RBM6: variants seen among roughly 807,000 people sequenced by gnomAD.
RBM6 encodes RNA binding motif protein 6, also known as RNA-binding protein 6.
A neutral mutation model predicts 140.4 loss-of-function variants in RBM6; 23 were observed. The ratio of observed to expected loss-of-function variants is 0.16; its 90% confidence interval spans 0.12 to 0.23. The LOEUF is 0.23. Ranked by LOEUF, RBM6 falls within the 10% of genes least tolerant of loss-of-function variation. RBM6 has a pLI of 1.00. For missense variants in RBM6, 1,139 were observed against 1,386.7 expected, an observed-to-expected ratio of 0.82 and a Z score of 2.84; for synonymous variants, 439 against 475.6, an observed-to-expected ratio of 0.92 and a Z score of 1.00.
intron 1 of RBM6, among the ~76,000 whole-genome samples, chr3:49,959,294 T>C (rs554993137): frequency 5.5e-4 from 82 of 148,836 alleles, no homozygotes; most frequent in African/African-American, 2.0e-3. Context: ...GTTCACACCA[T>C]TCTCCTGCCT....
At chr3:49,948,789 C>T (rs1458017071) in intron 1 of RBM6, among the ~76,000 whole-genome samples, 3 of 149,024 alleles carry the variant, frequency 2.0e-5, no homozygotes, top group Admixed American at 1.3e-4. Context: ...ACCCTGCACT[C>T]CAGCCTGGGC....
chr3:49,980,729 T>C (rs1194845670), intron 5 of RBM6, among the ~76,000 whole-genome samples: 1 of 136,688 alleles, frequency 7.3e-6, no homozygotes, highest in East Asian at 2.2e-4. Flanking sequence ...GCCATTGCAC[T>C]CCAGCCTGGG....
chr3:49,967,537 C>CATG lies in RBM6; in HGVS notation c.113_115dup (p.His38_Ala39insAsp). 1 of 1,614,176 alleles carries CATG rather than the reference C, an allele frequency of 6.2e-7. No homozygotes were observed. Among genetic ancestry groups the CATG allele is most frequent in the Non-Finnish European group, 8.5e-7 (1 of 1,180,052 alleles). On this transcript the variant is annotated inframe_insertion, in exon 3 of 21. Coordinates refer to ENST00000266022, the MANE Select transcript of RBM6 (RefSeq NM_005777.3). The surrounding 1 kb of genome is among the most constrained non-coding windows in gnomAD (Gnocchi z 4.0). ...TTATCCTCCTCCTCCCCTTAAGAGT[C>CATG]ATGCTCAAGAGAGACACTCTGGCAA...
intron 6 of RBM6, among the ~76,000 whole-genome samples, chr3:50,027,357 A>C (rs1352970962): frequency 3.3e-5 from 5 of 152,228 alleles, no homozygotes; most frequent in African/African-American, 1.2e-4. Context: ...TCCACATAAC[A>C]TAAAACTTAC....
chr3:50,013,183 G>A (rs754009380), intron 6 of RBM6, among the ~76,000 whole-genome samples: 13 of 152,176 alleles, frequency 8.5e-5, no homozygotes, highest in Non-Finnish European at 1.3e-4. Context: ...AATGGATGCT[G>A]TGGATGGTGT....
At chr3:50,015,836 G>A (rs542861979) in intron 6 of RBM6, among the ~76,000 whole-genome samples, 3 of 152,112 alleles carry the variant, frequency 2.0e-5, no homozygotes, top group African/African-American at 7.2e-5. Context: ...AATTGTATAC[G>A]TTTATGGAGT....
At chr3:50,009,849 A>C (rs1195472798) in intron 6 of RBM6, among the ~76,000 whole-genome samples, 1 of 152,072 alleles carries the variant, frequency 6.6e-6, no homozygotes, top group African/African-American at 2.4e-5. Context: ...GATGTGAGCC[A>C]CTGTACCCAG....
intron 7 of RBM6, among the ~76,000 whole-genome samples, chr3:50,051,638 T>C (rs2089471491): frequency 6.6e-6 from 1 of 152,134 alleles, no homozygotes; most frequent in African/African-American, 2.4e-5. Flanking sequence ...TGAAACTCCA[T>C]CTCAAAAACA....
intron 7 of RBM6, among the ~76,000 whole-genome samples, chr3:50,048,820 T>G (rs2089334794): frequency 6.6e-6 from 1 of 152,132 alleles, no homozygotes; most frequent in South Asian, 2.1e-4. Context: ...TCTTTTTTTT[T>G]GAAACGGAAT....
intron 6 of RBM6, among the ~76,000 whole-genome samples, chr3:50,036,213 G>GT (rs1559614641): frequency 6.6e-6 from 1 of 152,148 alleles, no homozygotes; most frequent in Admixed American, 6.6e-5. Context: ...CTTTTTAAAC[G>GT]TATTTTCTTT....
At chr3:50,006,655 G>A (rs2086592209) in intron 6 of RBM6, among the ~76,000 whole-genome samples, 5 of 150,376 alleles carry the variant, frequency 3.3e-5, no homozygotes, top group Admixed American at 2.0e-4. Context: ...GCTGGTGGCC[G>A]GGTGCGGTGG....
At chr3:49,942,117 T>C (rs1032571836) in intron 1 of RBM6, among the ~76,000 whole-genome samples, 4 of 150,654 alleles carry the variant, frequency 2.7e-5, no homozygotes, top group African/African-American at 9.8e-5. Flanking sequence ...AAAAATCAAT[T>C]AAATAAATTG....
intron 1 of RBM6, among the ~76,000 whole-genome samples, chr3:49,944,061 A>G (rs1008711313): frequency 1.3e-5 from 2 of 152,116 alleles, no homozygotes; most frequent in African/African-American, 4.8e-5. Context: ...TAGTAAGTAC[A>G]TTCTTCTTTT....
At chr3:50,000,288 C>T (rs182833294) in intron 6 of RBM6, among the ~76,000 whole-genome samples, 31 of 149,714 alleles carry the variant, frequency 2.1e-4, no homozygotes, top group Admixed American at 7.3e-4. Context: ...GTTTCAGTTC[C>T]TCCATCTGTA....
intron 1 of RBM6, among the ~76,000 whole-genome samples, chr3:49,947,262 A>AAGG: frequency 1.7e-5 from 1 of 60,010 alleles, no homozygotes; most frequent in African/African-American, 5.5e-5. Context: ...AAAAAAAAAA[A>AAGG]GGGGGGGGGG....
At position 49,973,584 on chromosome 3, in the gene RBM6, C is replaced by CT. The variant is rs1226088993; in HGVS notation, c.1413+1455dup. Among the ~76,000 whole-genome samples, 1,232 of 131,332 alleles carry CT rather than the reference C, an allele frequency of 9.4e-3. 17 individuals are homozygous for CT. The highest frequency in any genetic ancestry group is 0.02 in the South Asian group (81 of 4,036). 86.2% of individuals were successfully genotyped at this position (131,332 alleles called of 152,430 possible). A position where few individuals can be genotyped will look rare whatever the true frequency, so the allele number is the denominator to read the frequency against. On this transcript the variant is annotated intron_variant, in intron 4 of 20. Transcript: ENST00000266022. ...TTGAAGGTTATGCTCTTCTGCTTTT[C>CT]TTTTTTTTTTTTTTTTTTTGAGACA...
chr3:50,051,364 G>T (rs1427169068), intron 7 of RBM6, among the ~76,000 whole-genome samples: 1 of 152,010 alleles, frequency 6.6e-6, no homozygotes, highest in Non-Finnish European at 1.5e-5. Context: ...TTTTTTAGCT[G>T]GGTGTGGTGG....
chr3:50,029,748 TAATA>T (rs745451519), intron 6 of RBM6, among the ~76,000 whole-genome samples: 7 of 151,276 alleles, frequency 4.6e-5, no homozygotes, highest in Non-Finnish European at 8.8e-5. Context: ...ATAATAATAA[TAATA>T]AATAAATAAA....
intron 8 of RBM6, among the ~76,000 whole-genome samples, chr3:50,055,724 C>G (rs774155969): frequency 3.0e-4 from 46 of 152,124 alleles, no homozygotes; most frequent in Middle Eastern, 3.2e-3. Flanking sequence ...GTAAGCATTT[C>G]AGGATTTTCA....
Sources: allele counts gnomAD v4.1 joint callset (sites outside exome capture counted in the v4.1 genomes callset), GRCh38; gene constraint gnomAD v4.1.1; non-coding constraint Gnocchi (gnomAD v3.1); transcripts MANE v1.5; gene names NCBI Gene and HGNC (gene_info 2026-07-23, HGNC 2026-07-21).